HEXA: variants seen among roughly 807,000 people sequenced by gnomAD.
The protein encoded by HEXA is beta-hexosaminidase subunit alpha.
In HEXA, 54 loss-of-function variants were observed where a neutral mutation model predicts 73.3. The ratio of observed to expected loss-of-function variants is 0.74; its 90% CI spans 0.59 to 0.92. HEXA has a LOEUF of 0.92. HEXA is among the 40% of genes least tolerant of loss of function. The pLI is 0.00. For missense variants in HEXA, 649 were observed against 653.0 expected, an observed-to-expected ratio of 0.99 and a Z score of 0.07; for synonymous variants, 230 against 246.9, an observed-to-expected ratio of 0.93 and a Z score of 0.64.
Position 72,350,901 on chromosome 15 carries a change from T to C in HEXA, c.672+232A>G, listed in dbSNP as rs556468386. 1.9e-4 allele frequency: 116 copies of C among 621,832 alleles called. 2 individuals are homozygous for C. The South Asian group carries it at 2.0e-3, about 11-fold the overall frequency. 38.5% of individuals were successfully genotyped at this position (621,832 alleles called of 1,614,324 possible). On this transcript the variant is annotated intron_variant, in intron 6 of 13. Transcript: ENST00000268097. ...CTATGTCCATTTAACAGAATATAAA[T>C]ACATAAAAAGGGAATAAGGCCAGAA...
intron 8 of HEXA, among the ~76,000 whole-genome samples, chr15:72,348,363 G>A (rs1277141974): frequency 6.6e-6 from 1 of 152,186 alleles, no homozygotes; most frequent in Non-Finnish European, 1.5e-5. Context: ...AGAGTTTTAA[G>A]TTCAAACTCC....
intron 1 of HEXA, among the ~76,000 whole-genome samples, chr15:72,371,591 G>GAA (rs11299619): frequency 8.2e-6 from 1 of 121,984 alleles, no homozygotes; most frequent in Non-Finnish European, 1.6e-5. Flanking sequence ...GTCTCTAAAA[G>GAA]AAAAAAAAAA....
chr15:72,347,606 C>T (rs2088633215), intron 10 of HEXA, 80 bp downstream of exon 10: 1 of 1,114,290 alleles, frequency 9.0e-7, no homozygotes, highest in South Asian at 1.2e-5. Flanking sequence ...GAGGATCAGT[C>T]TCTGTAGAGG....
chr15:72,360,086 A>C (rs886233533), intron 1 of HEXA: 1 of 152,736 alleles, frequency 6.5e-6, no homozygotes, highest in Non-Finnish European at 1.5e-5. Context: ...CCTCAAACGC[A>C]ATCTAGCCAA....
chr15:72,354,291 G>A (rs1206242481), intron 3 of HEXA: 1 of 160,692 alleles, frequency 6.2e-6, no homozygotes, highest in Non-Finnish European at 1.4e-5. Flanking sequence ...CCCAGCTATA[G>A]GGAGCTGAGG....
At chr15:72,354,023 T>A in intron 3 of HEXA, 1 of 518,054 alleles carries the variant, frequency 1.9e-6, no homozygotes, top group Non-Finnish European at 3.5e-6. Flanking sequence ...CTATATTTCC[T>A]GTGCCTTCAC....
At chr15:72,351,075 C>T in intron 6 of HEXA, 58 bp downstream of exon 6, 1 of 1,130,238 alleles carries the variant, frequency 8.8e-7, no homozygotes, top group Non-Finnish European at 1.4e-6. Context: ...GCCAGCAGGG[C>T]CACAGCCAGA....
intron 1 of HEXA, among the ~76,000 whole-genome samples, chr15:72,373,434 C>A (rs2089018582): frequency 6.6e-6 from 1 of 152,174 alleles, no homozygotes; most frequent in Non-Finnish European, 1.5e-5. Flanking sequence ...ATGGGAAGAG[C>A]AATAGAGAAA....
chr15:72,344,692 C>A (rs914793122), intron 13 of HEXA, among the ~76,000 whole-genome samples: 1 of 152,178 alleles, frequency 6.6e-6, no homozygotes, highest in Non-Finnish European at 1.5e-5. Context: ...AGAGAACCAG[C>A]TGGAAGTTAC....
At chr15:72,345,208 A>G (rs1003000805) in intron 13 of HEXA, 4 of 632,426 alleles carry the variant, frequency 6.3e-6, no homozygotes, top group African/African-American at 3.7e-5. Flanking sequence ...TATACCTAAT[A>G]CAATATAAAT....
intron 10 of HEXA, among the ~76,000 whole-genome samples, chr15:72,347,301 C>A (rs1394048956): frequency 5.3e-5 from 8 of 150,546 alleles, no homozygotes; most frequent in Non-Finnish European, 3.0e-5. Flanking sequence ...GAGGCAGGGT[C>A]TCACTCTGTT....
intron 1 of HEXA, among the ~76,000 whole-genome samples, chr15:72,364,452 C>T (rs78629973): frequency 0.011 from 1,674 of 152,130 alleles, 25 homozygotes; most frequent in African/African-American, 0.038. Flanking sequence ...CATTAACTTA[C>T]CTAACTTCTC....
chr15:72,344,022 A>G lies in HEXA; in HGVS notation c.*55T>C. 6.9e-7 allele frequency: 1 copy of G among 1,447,190 alleles called. No individual in the cohort carries two copies. The highest frequency in any genetic ancestry group is 9.7e-7 in the Non-Finnish European group (1 of 1,028,892). 89.6% of individuals were successfully genotyped at this position (1,447,190 alleles called of 1,614,324 possible). ...CGTCCCCTGGCCAGGATGCAGTGGA[A>G]GCCTGGCTCCACTACCATTCACCTA... is the stretch of plus-strand genomic sequence containing the variant. On this transcript the variant is annotated 3_prime_UTR_variant, in exon 14 of 14. Transcript: ENST00000268097.
In HEXA at chr15:72,344,080, G is replaced by A. The variant is rs1467811950; in HGVS notation, c.1587C>T (p.Thr529=). The change falls in exon 14 of 14, where the codon ACC becomes ACT. Residue 529 remains threonine, a synonymous_variant. Coordinates refer to ENST00000268097, the MANE Select transcript of HEXA (RefSeq NM_000520.6). ...VGFCEQEFEQ[T] ...CACCCTCCTCGGTGCCTGGGGCTCA[G>A]GTCTGTTCAAACTCCTGCTCACAGA... 3.1e-6 allele frequency: 5 copies of A among 1,613,424 alleles called. No homozygotes were observed. In the African/African-American group the frequency reaches 6.7e-5, roughly 22 times the overall value.
At chr15:72,374,881 C>T (rs888873187) in intron 1 of HEXA, among the ~76,000 whole-genome samples, 8 of 152,034 alleles carry the variant, frequency 5.3e-5, no homozygotes, top group Non-Finnish European at 7.4e-5. Context: ...CCCCACTCAT[C>T]ACATCCACTA....
chr15:72,341,588 C>T lies in HEXA; in HGVS notation c.*2489G>A, dbSNP rs777532736. On this transcript the variant is annotated 3_prime_UTR_variant, in exon 14 of 14. Transcript: ENST00000268097. Reference sequence around the variant, plus strand: ...CCAGGAAGTCAGTCTGGAAACTTCCCCACCCCCTGGTGGTGCACAGCACAC... The same window carrying T: ...CCAGGAAGTCAGTCTGGAAACTTCCTCACCCCCTGGTGGTGCACAGCACAC... 7 of 152,230 alleles carry T rather than the reference C, an allele frequency of 4.6e-5. No homozygotes were observed. Among genetic ancestry groups the T allele is most frequent in the Non-Finnish European group, 1.0e-4 (7 of 68,084 alleles). The allele number at this position is 152,230 out of a possible 1,614,324, so 9.4% of individuals were successfully genotyped here. A position where few individuals can be genotyped will look rare whatever the true frequency, so the allele number is the denominator to read the frequency against.
rs1344084494 is a variant in HEXA at position 72,347,752 on chromosome 15, C to G, written c.1080G>C (p.Leu360=). Residue 360 remains leucine, a synonymous_variant, in exon 10 of 14, where the codon CTG becomes CTC. Coordinates refer to ENST00000268097, the MANE Select transcript of HEXA (RefSeq NM_000520.6). ...QLESFYIQTL[L]DIVSSYGKGY... ...CCTTGCCATAAGAAGAGACGATGTC[C>G]AGCAGCCTGGAGAGGAGAGGAGTGT... 1 of 1,614,146 alleles carries G rather than the reference C, an allele frequency of 6.2e-7. No individual in the cohort carries two copies. Among genetic ancestry groups the G allele is most frequent in the Non-Finnish European group, 8.5e-7 (1 of 1,179,990 alleles).
chr15:72,344,092 C>T lies in HEXA; in HGVS notation c.1575G>A (p.Glu525=). The part of the protein sequence containing the change: ...QPLNVGFCEQ[E]FEQT ...TGCCTGGGGCTCAGGTCTGTTCAAA[C>T]TCCTGCTCACAGAAGCCTACATTGA... is the stretch of plus-strand genomic sequence containing the variant. Residue 525 remains glutamate (E), a synonymous_variant, in exon 14 of 14, where the codon GAG becomes GAA. Coordinates refer to ENST00000268097, the MANE Select transcript of HEXA (RefSeq NM_000520.6). 2 of 1,613,894 alleles carry T rather than the reference C, an allele frequency of 1.2e-6. No homozygotes were observed. The highest frequency in any genetic ancestry group is 1.7e-6 in the Non-Finnish European group (2 of 1,179,870).
chr15:72,346,494 C>T (rs1161427373), intron 11 of HEXA, 33 bp downstream of exon 11: 2 of 1,608,724 alleles, frequency 1.2e-6, no homozygotes, highest in Non-Finnish European at 1.7e-6. Flanking sequence ...ACCCAGCCTC[C>T]TTTGGTTAGC....
Sources: allele counts gnomAD v4.1 joint callset (sites outside exome capture counted in the v4.1 genomes callset), GRCh38; gene constraint gnomAD v4.1.1; transcripts MANE v1.5; gene names NCBI Gene and HGNC (gene_info 2026-07-23, HGNC 2026-07-21).